Variants in SYCP3 observed in about 807,000 individuals in gnomAD.
SYCP3 encodes the protein synaptonemal complex protein 3.
A neutral mutation model predicts 38.5 loss-of-function variants in SYCP3; 29 were observed. That is an observed-to-expected ratio of 0.75 (90% CI 0.56 to 1.03). The LOEUF (loss-of-function observed/expected upper bound fraction) is 1.03. Ranked by LOEUF, SYCP3 falls within the 50% of genes least tolerant of loss-of-function variation. The pLI, the probability that SYCP3 is intolerant of heterozygous loss-of-function variation, is 0.00. For missense variants in SYCP3, 242 were observed against 270.7 expected (o/e 0.89, Z 0.74); for synonymous variants, 79 against 80.3 (o/e 0.98, Z 0.08).
Position 101,731,630 on chromosome 12 carries a change from A to T in SYCP3, c.490T>A (p.Ser164Thr), listed in dbSNP as rs1952194398. 1 of 1,604,752 alleles carries T rather than the reference A, an allele frequency of 6.2e-7. No homozygotes were observed. The highest frequency in any genetic ancestry group is 8.5e-7 in the Non-Finnish European group (1 of 1,177,856). Reference sequence around the variant, plus strand: ...AATCTCTGGCTCTGAACAATTCTAGATTGTTGAAGAATCTTTTGTTGCTGT... The same window carrying T: ...AATCTCTGGCTCTGAACAATTCTAGTTTGTTGAAGAATCTTTTGTTGCTGT... ...FRQQQKILQQ[S>T]RIVQSQRLKT... Residue 164 changes from serine to threonine, a missense_variant, in exon 7 of 9, where the codon TCT becomes ACT. Transcript: ENST00000392924.
chr12:101,735,869 A>ATTTTTTTTTTTTTT (rs1333301972), intron 4 of SYCP3, among the ~76,000 whole-genome samples: 1 of 60,120 alleles, frequency 1.7e-5, no homozygotes, highest in South Asian at 5.4e-4. Flanking sequence ...ATATATATAT[A>ATTTTTTTTTTTTTT]TATTTTTTTT....
In SYCP3 at chr12:101,733,594, T is replaced by C; in HGVS notation, c.434A>G (p.Glu145Gly). 1 of 1,612,602 alleles carries C rather than the reference T, an allele frequency of 6.2e-7. No individual in the cohort carries two copies. ...ACCAACAAGTATTTTTTCTTCTTGT[T>C]CCTCAGCTTTCTGCATATCTAAATC... ...QWDLDMQKAE[E>G]QEEKILNMFR... is the part of the protein sequence containing the mutation. The change falls in exon 6 of 9, where the codon GAA becomes GGA. Residue 145 changes from glutamate (E) to glycine (G), a missense_variant. Glu to Gly is a moderately conservative substitution (Grantham distance 98). Coordinates refer to ENST00000392924, the MANE Select transcript of SYCP3 (RefSeq NM_001177949.2).
intron 1 of SYCP3, among the ~76,000 whole-genome samples, chr12:101,738,719 G>C (rs932275785): frequency 1.3e-5 from 2 of 152,244 alleles, no homozygotes; most frequent in African/African-American, 4.8e-5. Context: ...CTGGGCGACA[G>C]AGTGAGACTT....
chr12:101,735,871 A>ATTTTTT (rs201568592), intron 4 of SYCP3, among the ~76,000 whole-genome samples: 30 of 74,708 alleles, frequency 4.0e-4, no homozygotes, highest in South Asian at 1.7e-3. Flanking sequence ...ATATATATAT[A>ATTTTTT]TTTTTTTTTT....
intron 1 of SYCP3, among the ~76,000 whole-genome samples, chr12:101,739,094 C>A (rs941101523): frequency 3.9e-5 from 6 of 152,172 alleles, no homozygotes; most frequent in African/African-American, 1.2e-4. Flanking sequence ...ACGCGCGGAG[C>A]GAGGTAGGGC....
At chr12:101,738,085 TG>T (rs1387500752) in intron 1 of SYCP3, 133 bp from the exon 2 acceptor site, 20 of 1,051,174 alleles carry the variant, frequency 1.9e-5, no homozygotes, top group Middle Eastern at 5.5e-4. Context: ...CTCATTTATT[TG>T]GGGGGCCAAA....
chr12:101,731,592 TTTAA>T lies in SYCP3; in HGVS notation c.524_527del (p.Ile175AsnfsTer8), dbSNP rs749759423. 10 of 1,606,694 alleles carry T rather than the reference TTTAA, an allele frequency of 6.2e-6. No individual in the cohort carries two copies. In the African/African-American group the frequency reaches 6.7e-5, roughly 11 times the overall value. ...CCTTTATGAACTGCTCATATAACTG[TTTAA>T]TTGTTTTCAATCTCTGGCTCTGAAC... is the stretch of plus-strand genomic sequence containing the variant. On this transcript the variant is annotated frameshift_variant, in exon 7 of 9. Transcript: ENST00000392924. LOFTEE classifies it high-confidence loss of function.
At chr12:101,735,360 T>C (rs1952360586) in intron 4 of SYCP3, among the ~76,000 whole-genome samples, 1 of 152,038 alleles carries the variant, frequency 6.6e-6, no homozygotes, top group Non-Finnish European at 1.5e-5. Context: ...GAGAAAACAC[T>C]GTTAATAAAG....
chr12:101,737,666 G>T, intron 2 of SYCP3, 137 bp downstream of exon 2: 1 of 1,208,772 alleles, frequency 8.3e-7, no homozygotes, highest in African/African-American at 1.5e-5. Flanking sequence ...CGTGTCAGCA[G>T]GTTCTGTAAC....
chr12:101,737,637 A>T, intron 2 of SYCP3, 166 bp downstream of exon 2: 6 of 903,854 alleles, frequency 6.6e-6, no homozygotes, highest in Non-Finnish European at 8.7e-6. Context: ...AATGAGAAAC[A>T]CAAGTACAGC....
At chr12:101,734,473 T>G (rs73392431) in intron 5 of SYCP3, among the ~76,000 whole-genome samples, 4,139 of 152,300 alleles carry the variant, frequency 0.027, 185 homozygotes, top group African/African-American at 0.094. Flanking sequence ...CTTTATTGAT[T>G]TTTTAGGAAA....
Position 101,728,700 on chromosome 12 carries a change from A to G in SYCP3, c.*227T>C, listed in dbSNP as rs1041163350. On this transcript the variant is annotated 3_prime_UTR_variant, in exon 9 of 9. Transcript: ENST00000392924. ...ACAGTGTTAGAGAGAAAAATTCACT[A>G]TCATTACTAAAGAGCTGAAAGCTTA... 4 of 558,444 alleles carry G rather than the reference A, an allele frequency of 7.2e-6. No individual in the cohort carries two copies. The highest frequency in any genetic ancestry group is 7.0e-5 in the Admixed American group (2 of 28,634). 34.6% of individuals were successfully genotyped at this position (558,444 alleles called of 1,614,324 possible).
At chr12:101,735,664 A>G (rs1360446927) in intron 4 of SYCP3, among the ~76,000 whole-genome samples, 1 of 151,694 alleles carries the variant, frequency 6.6e-6, no homozygotes, top group Non-Finnish European at 1.5e-5. Flanking sequence ...CGTCTCAAAA[A>G]TAAAAAAAAA....
chr12:101,735,871 A>ATATATATATATATATATTTTTTT, intron 4 of SYCP3, among the ~76,000 whole-genome samples: 6 of 74,760 alleles, frequency 8.0e-5, no homozygotes, highest in African/African-American at 1.3e-4. Flanking sequence ...ATATATATAT[A>ATATATATATATATATATTTTTTT]TTTTTTTTTT....
intron 4 of SYCP3, 63 bp from the exon 5 acceptor site, chr12:101,735,107 T>G (rs1952352688): frequency 9.2e-7 from 1 of 1,090,184 alleles, no homozygotes; most frequent in Admixed American, 1.8e-5. Flanking sequence ...TTCCCACATA[T>G]TCAAGTAAAT....
chr12:101,738,010 G>A, intron 1 of SYCP3, 58 bp from the exon 2 acceptor site: 1 of 1,576,966 alleles, frequency 6.3e-7, no homozygotes, highest in Non-Finnish European at 8.7e-7. Flanking sequence ...TTAATACACT[G>A]GTAAAAGTTT....
At chr12:101,737,437 C>T in intron 2 of SYCP3, 139 bp from the exon 3 acceptor site, 11 of 811,320 alleles carry the variant, frequency 1.4e-5, no homozygotes, top group Non-Finnish European at 2.2e-5. Context: ...CATAAAAATG[C>T]AATATTCTCT....
intron 1 of SYCP3, among the ~76,000 whole-genome samples, chr12:101,738,390 C>T (rs1472548975): frequency 6.6e-6 from 1 of 150,856 alleles, no homozygotes; most frequent in Non-Finnish European, 1.5e-5. Flanking sequence ...ATCGCAGCCA[C>T]TGCACTCCAG....
chr12:101,737,656 C>T, intron 2 of SYCP3, 147 bp downstream of exon 2: 6 of 1,060,068 alleles, frequency 5.7e-6, no homozygotes, highest in East Asian at 2.4e-5. Context: ...GCTGGCCATC[C>T]GTGTCAGCAG....
Sources: allele counts gnomAD v4.1 joint callset (sites outside exome capture counted in the v4.1 genomes callset), GRCh38; gene constraint gnomAD v4.1.1; transcripts MANE v1.5; gene names NCBI Gene and HGNC (gene_info 2026-07-23, HGNC 2026-07-21).